The following AGBL4 variants were observed in gnomAD, a reference collection of about 807,000 sequenced individuals.
AGBL4 encodes the protein AGBL carboxypeptidase 4.
AGBL4 carries 58 observed loss-of-function variants against 66.4 expected under a neutral mutation model. The observed-to-expected ratio is 0.87, with a 90% CI of 0.71 to 1.09. The LOEUF is 1.09. Ranked by LOEUF, AGBL4 falls within the 50% of genes least tolerant of loss-of-function variation. The pLI, the probability that AGBL4 is intolerant of heterozygous loss-of-function variation, is 0.00. For missense variants in AGBL4, 579 were observed against 631.0 expected, an observed-to-expected ratio of 0.92 and a Z score of 0.88; for synonymous variants, 234 against 222.9, an observed-to-expected ratio of 1.05 and a Z score of -0.44.
chr1:49,736,087 G>A (rs936787279), intron 2 of AGBL4, among the ~76,000 whole-genome samples: 1 of 151,898 alleles, frequency 6.6e-6, no homozygotes, highest in Admixed American at 6.6e-5. Flanking sequence ...AATCTCAGAA[G>A]GAGAGGAAAT....
intron 3 of AGBL4, among the ~76,000 whole-genome samples, chr1:49,560,116 C>T (rs149029573): frequency 8.3e-4 from 126 of 152,140 alleles, no homozygotes; most frequent in African/African-American, 3.0e-3. Flanking sequence ...AAAACATGAC[C>T]TCACCAAATG....
At chr1:48,551,669 G>A (rs1294185506) in intron 11 of AGBL4, among the ~76,000 whole-genome samples, 1 of 152,106 alleles carries the variant, frequency 6.6e-6, no homozygotes, top group Non-Finnish European at 1.5e-5. Context: ...TTTTCTGGAC[G>A]TTTGGTATAA....
chr1:49,503,203 A>G (rs1459741828), intron 3 of AGBL4, among the ~76,000 whole-genome samples: 1 of 152,118 alleles, frequency 6.6e-6, no homozygotes, highest in African/African-American at 2.4e-5. Flanking sequence ...AGAGGGTACA[A>G]GCCCCCAGCC....
intron 6 of AGBL4, among the ~76,000 whole-genome samples, chr1:48,757,387 A>G (rs560343245): frequency 1.2e-4 from 18 of 152,218 alleles, no homozygotes; most frequent in Non-Finnish European, 2.4e-4. Flanking sequence ...GAACTTTACT[A>G]ACTTTTGAAG....
intron 4 of AGBL4, among the ~76,000 whole-genome samples, chr1:49,199,497 A>G (rs1647512962): frequency 6.6e-6 from 1 of 152,164 alleles, no homozygotes; most frequent in African/African-American, 2.4e-5. Context: ...CGGCATCTGT[A>G]TGTGCCTTTC....
chr1:49,001,150 T>C (rs35006474), intron 5 of AGBL4, among the ~76,000 whole-genome samples: 1 of 152,194 alleles, frequency 6.6e-6, no homozygotes, highest in Non-Finnish European at 1.5e-5. Flanking sequence ...CAGGTCTGCT[T>C]TGTTTCGAGA....
chr1:49,415,744 G>A (rs1275028506), intron 3 of AGBL4, among the ~76,000 whole-genome samples: 2 of 152,040 alleles, frequency 1.3e-5, no homozygotes, highest in African/African-American at 2.4e-5. Context: ...ACAAATTAGT[G>A]GGAGAAAGGC....
chr1:49,120,192 TG>T (rs1252745012), intron 4 of AGBL4, among the ~76,000 whole-genome samples: 2 of 152,202 alleles, frequency 1.3e-5, no homozygotes, highest in Non-Finnish European at 2.9e-5. Context: ...AGGTTAATAT[TG>T]TTATGTATGA....
intron 3 of AGBL4, among the ~76,000 whole-genome samples, chr1:49,453,866 A>AATATTTTT (rs1646332468): frequency 6.6e-6 from 1 of 151,852 alleles, no homozygotes; most frequent in Non-Finnish European, 1.5e-5. Flanking sequence ...GGCAGATCTA[A>AATATTTTT]GCAAGAGGCC....
chr1:48,741,449 G>A (rs1649895446), intron 6 of AGBL4, among the ~76,000 whole-genome samples: 1 of 152,222 alleles, frequency 6.6e-6, no homozygotes, highest in African/African-American at 2.4e-5. Context: ...CCTCTGCAAA[G>A]CTGACGTTTC....
At chr1:49,120,351 C>G (rs1382727365) in intron 4 of AGBL4, among the ~76,000 whole-genome samples, 2 of 152,144 alleles carry the variant, frequency 1.3e-5, no homozygotes, top group African/African-American at 4.8e-5. Context: ...CCTTCAGAAG[C>G]TCTTGTAAGG....
chr1:49,093,577 G>A (rs1262928594), intron 4 of AGBL4, among the ~76,000 whole-genome samples: 1 of 152,122 alleles, frequency 6.6e-6, no homozygotes, highest in East Asian at 1.9e-4. Context: ...AGGTAACTAT[G>A]CTAAAAATTA....
chr1:49,419,703 T>G (rs1645501980), intron 3 of AGBL4, among the ~76,000 whole-genome samples: 2 of 152,306 alleles, frequency 1.3e-5, no homozygotes, highest in African/African-American at 4.8e-5. Context: ...AGTGTTCAAA[T>G]TTTTGCCCAA....
At chr1:48,663,998 A>G (rs1050869571) in intron 6 of AGBL4, among the ~76,000 whole-genome samples, 2 of 152,198 alleles carry the variant, frequency 1.3e-5, no homozygotes, top group Admixed American at 1.3e-4. Context: ...TATTCAAAAC[A>G]AGTATTTTCA....
chr1:48,858,148 T>C (rs1217709585), intron 6 of AGBL4, among the ~76,000 whole-genome samples: 5 of 152,154 alleles, frequency 3.3e-5, no homozygotes, highest in African/African-American at 1.2e-4. Context: ...TTACACCCAT[T>C]AGGATGTTTG....
chr1:49,795,916 G>A (rs1644718702), intron 2 of AGBL4, among the ~76,000 whole-genome samples: 1 of 151,704 alleles, frequency 6.6e-6, no homozygotes, highest in South Asian at 2.1e-4. Context: ...TGAGAGAAAA[G>A]ATACAATGAA....
chr1:48,586,397 G>A (rs1161643555), intron 11 of AGBL4: 1 of 152,644 alleles, frequency 6.6e-6, no homozygotes, highest in East Asian at 1.9e-4. Flanking sequence ...AGGATGGGAT[G>A]AGAGAGAGGA....
At chr1:48,704,552 A>G (rs115612466) in intron 6 of AGBL4, among the ~76,000 whole-genome samples, 22 of 152,272 alleles carry the variant, frequency 1.4e-4, no homozygotes, top group African/African-American at 5.3e-4. Flanking sequence ...TTCCATGTTT[A>G]AAATTGTTAA....
the AGBL4 span, among the ~76,000 whole-genome samples, chr1:48,523,193 G>A: frequency 2.0e-5 from 3 of 152,216 alleles, no homozygotes; most frequent in Non-Finnish European, 4.4e-5. Context: ...AACATATTGC[G>A]ATTAGATTCC....
Sources: allele counts gnomAD v4.1 joint callset (sites outside exome capture counted in the v4.1 genomes callset), GRCh38; gene constraint gnomAD v4.1.1; transcripts MANE v1.5; gene names NCBI Gene and HGNC (gene_info 2026-07-23, HGNC 2026-07-21).